The following C6 variants were observed in gnomAD, a reference collection of about 807,000 sequenced individuals.
The protein encoded by C6 is complement component C6.
Under a neutral mutation model 112.9 loss-of-function variants are expected in C6, and 101 were observed. The ratio of observed to expected loss-of-function variants is 0.89; its 90% CI spans 0.76 to 1.06. The LOEUF is 1.06. Ranked by LOEUF, C6 falls within the 50% of genes least tolerant of loss-of-function variation. The pLI is 0.00. For missense variants in C6, 1,202 were observed against 1,104.6 expected (o/e 1.09, Z -1.25); for synonymous variants, 431 against 384.1 (o/e 1.12, Z -1.43).
At chr5:41,183,823 T>C (rs1037810302) in intron 6 of C6, among the ~76,000 whole-genome samples, 2 of 152,154 alleles carry the variant, frequency 1.3e-5, no homozygotes, top group African/African-American at 4.8e-5. Context: ...ATCATGTCCT[T>C]TGCAGCAACA....
At position 41,256,822 on chromosome 5, in the gene C6, C is replaced by G. The variant is rs1416617343; in HGVS notation, c.-21+4372G>C. ...GCCAGCTCCTTGATAAAAGGGAACACATTTTACAAATGGGTAAAGGAACAA... is the reference window on the plus strand; with the variant it reads ...GCCAGCTCCTTGATAAAAGGGAACAGATTTTACAAATGGGTAAAGGAACAA... On this transcript the variant is annotated intron_variant, in intron 1 of 17. Coordinates refer to the C6 transcript ENST00000263413. Among the ~76,000 whole-genome samples, 8 of 152,224 alleles carry G rather than the reference C, an allele frequency of 5.3e-5. No homozygotes were observed. In the South Asian group the frequency reaches 1.7e-3, roughly 32 times the overall value.
chr5:41,251,508 G>A (rs754685268), intron 1 of C6, among the ~76,000 whole-genome samples: 3 of 152,112 alleles, frequency 2.0e-5, no homozygotes, highest in Non-Finnish European at 4.4e-5. Context: ...CATGACCAAA[G>A]GGAATTCTTC....
intron 5 of C6, among the ~76,000 whole-genome samples, chr5:41,193,274 T>C (rs1023603330): frequency 6.6e-6 from 1 of 152,132 alleles, no homozygotes; most frequent in Admixed American, 6.6e-5. Flanking sequence ...AACCTGAAGA[T>C]AGGATTTTAT....
chr5:41,200,820 T>A (rs893385202), intron 3 of C6, among the ~76,000 whole-genome samples: 1 of 151,588 alleles, frequency 6.6e-6, no homozygotes, highest in Non-Finnish European at 1.5e-5. Context: ...AAGTTTTGAT[T>A]CATTTCCCTC....
chr5:41,158,489 CT>C (rs1747135386), intron 13 of C6, among the ~76,000 whole-genome samples, 184 bp downstream of exon 13: 2 of 152,144 alleles, frequency 1.3e-5, no homozygotes, highest in Non-Finnish European at 2.9e-5. Flanking sequence ...TAACAACTGG[CT>C]ATGAAGACAT....
At chr5:41,164,075 TAAAC>T (rs1001365427) in intron 9 of C6, among the ~76,000 whole-genome samples, 5 of 101,576 alleles carry the variant, frequency 4.9e-5, no homozygotes, top group East Asian at 5.6e-4. Flanking sequence ...TATGGAGAAA[TAAAC>T]AAGGATGGAA....
chr5:41,161,026 A>G (rs541690610), intron 10 of C6, among the ~76,000 whole-genome samples: 23 of 152,288 alleles, frequency 1.5e-4, no homozygotes, highest in Admixed American at 1.3e-3. Context: ...CATAACATGT[A>G]GAGCTCAACA....
rs940096918 is a variant in C6 at position 41,149,477 on chromosome 5, T to A, written c.2387A>T (p.His796Leu). 2.5e-6 allele frequency: 4 copies of A among 1,613,896 alleles called. No homozygotes were observed. Among genetic ancestry groups the A allele is most frequent in the Non-Finnish European group, 3.4e-6 (4 of 1,179,968 alleles). ...CMSPEEDCSH[H>L]SEDLCVFDTD... ...GTCAAACACACAGAGATCTTCTGAA[T>A]GATGGCTGCCCAAGAGAGGAAAGCA... Residue 796 changes from histidine (H) to leucine (L), a missense_variant, in exon 17 of 18, where the codon CAT (histidine) becomes CTT (leucine). By Grantham distance (99) the His-to-Leu change is moderately conservative. Transcript: ENST00000337836.
intron 14 of C6, among the ~76,000 whole-genome samples, chr5:41,154,608 A>C (rs1473653608): frequency 1.3e-5 from 2 of 152,206 alleles, no homozygotes; most frequent in Non-Finnish European, 2.9e-5. Context: ...CTGTTACATA[A>C]AGAGTGTAAA....
At chr5:41,182,201 T>C (rs1289388797) in intron 6 of C6, among the ~76,000 whole-genome samples, 1 of 151,946 alleles carries the variant, frequency 6.6e-6, no homozygotes, top group Non-Finnish European at 1.5e-5. Context: ...GCCAATAAAA[T>C]GTAAATATAA....
intron 7 of C6, among the ~76,000 whole-genome samples, chr5:41,179,489 G>T (rs902894921): frequency 6.6e-6 from 1 of 151,790 alleles, no homozygotes. Context: ...AATAAAAAAG[G>T]CCATATTCCC....
intron 1 of C6, among the ~76,000 whole-genome samples, chr5:41,220,656 C>T (rs890215776): frequency 6.6e-6 from 1 of 151,756 alleles, no homozygotes; most frequent in East Asian, 1.9e-4. Flanking sequence ...TGATGTTGGG[C>T]CTCTTTTCAT....
chr5:41,147,417 C>T (rs528631429), intron 17 of C6, among the ~76,000 whole-genome samples: 134 of 152,298 alleles, frequency 8.8e-4, no homozygotes, highest in South Asian at 6.8e-3. Context: ...TTGTCACCAT[C>T]AGATGCCAGC....
intron 1 of C6, among the ~76,000 whole-genome samples, chr5:41,206,656 T>C (rs1401808253): frequency 6.6e-6 from 1 of 151,884 alleles, no homozygotes; most frequent in Non-Finnish European, 1.5e-5. Flanking sequence ...TGAAATGAAG[T>C]GAGAAGAGAA....
chr5:41,206,808 T>C (rs1751474945), intron 1 of C6, among the ~76,000 whole-genome samples: 1 of 152,198 alleles, frequency 6.6e-6, no homozygotes, highest in Non-Finnish European at 1.5e-5. Flanking sequence ...CTCTGCAGGA[T>C]ATTATCCAGG....
chr5:41,149,170 A>C, intron 17 of C6, 71 bp downstream of exon 17: 1 of 1,553,136 alleles, frequency 6.4e-7, no homozygotes, highest in Non-Finnish European at 8.9e-7. Context: ...GGTTATTTTT[A>C]AGAAAGATGA....
chr5:41,203,332 A>C (rs1230834479), intron 1 of C6, 82 bp from the exon 2 acceptor site: 89 of 1,429,238 alleles, frequency 6.2e-5, no homozygotes, highest in Non-Finnish European at 8.3e-5. Flanking sequence ...AGAGATTCAA[A>C]TGTGATTTTA....
chr5:41,257,839 T>C lies in C6; in HGVS notation c.-21+3355A>G, dbSNP rs190462368. ...CATATTCCCTTTTTATTTTTTTGGC[T>C]AATTATCAAATTTTCTTGCTTTTCT... On this transcript the variant is annotated intron_variant, in intron 1 of 17. Transcript: ENST00000263413. Among the ~76,000 whole-genome samples, 519 of 152,304 alleles carry C rather than the reference T, an allele frequency of 3.4e-3. 6 individuals are homozygous for C. The highest frequency in any genetic ancestry group is 0.012 in the African/African-American group (501 of 41,562).
At chr5:41,244,940 G>A (rs574548404) in intron 1 of C6, among the ~76,000 whole-genome samples, 10 of 152,128 alleles carry the variant, frequency 6.6e-5, no homozygotes, top group Non-Finnish European at 1.2e-4. Flanking sequence ...CAGTTAAAAT[G>A]GTGAATCATG....
Sources: gnomAD v4.1 joint callset for allele counts (sites outside exome capture counted in the v4.1 genomes callset) on GRCh38, gnomAD v4.1.1 for gene constraint, MANE v1.5 for transcripts, NCBI Gene and HGNC (gene_info 2026-07-23, HGNC 2026-07-21) for gene names.